Variants in CSRNP3 observed in about 807,000 individuals in gnomAD.
CSRNP3 encodes cysteine/serine-rich nuclear protein 3.
Under a neutral mutation model 48.0 loss-of-function variants are expected in CSRNP3, and 12 were observed. The observed-to-expected ratio is 0.25, with a 90% CI of 0.16 to 0.41. CSRNP3 has a LOEUF of 0.41. CSRNP3 is among the 10% of genes least tolerant of loss of function. CSRNP3 has a pLI of 1.00. For missense variants in CSRNP3, 580 were observed against 724.4 expected, an observed-to-expected ratio of 0.80 and a Z score of 2.29; for synonymous variants, 263 against 269.7, an observed-to-expected ratio of 0.98 and a Z score of 0.24.
chr2:165,677,182 A>G (rs922147220), intron 6 of CSRNP3, among the ~76,000 whole-genome samples: 6 of 152,242 alleles, frequency 3.9e-5, no homozygotes, highest in African/African-American at 9.6e-5. Context: ...CTATAAGTTC[A>G]CAGGCCAAAT....
At chr2:165,670,070 T>C (rs1349957200) in intron 5 of CSRNP3, among the ~76,000 whole-genome samples, 1 of 152,236 alleles carries the variant, frequency 6.6e-6, no homozygotes, top group Admixed American at 6.5e-5. Context: ...AGTGATCCCA[T>C]GCAAGTTCAA....
At chr2:165,521,743 G>C (rs1265709363) in intron 3 of CSRNP3, among the ~76,000 whole-genome samples, 1 of 152,130 alleles carries the variant, frequency 6.6e-6, no homozygotes, top group African/African-American at 2.4e-5. Flanking sequence ...TTGGGGGAGG[G>C]GAGAGAGCTG....
In CSRNP3 at chr2:165,682,966, G is replaced by C. The variant is rs1401461251; in HGVS notation, c.*3213G>C. On this transcript the variant is annotated 3_prime_UTR_variant, in exon 7 of 7. Coordinates refer to ENST00000651982, the MANE Select transcript of CSRNP3 (RefSeq NM_001172173.2). ...ATCAATTGCAAAGCTTCATGCTCCA[G>C]CCCTGGCTATTCTAGTACCAGTCCT... The C allele has an allele frequency of 6.6e-6, 1 of 152,078 alleles. No individual in the cohort carries two copies. Among genetic ancestry groups the C allele is most frequent in the African/African-American group, 2.4e-5 (1 of 41,430 alleles). The allele number at this position is 152,078 out of a possible 1,614,324, so 9.4% of individuals were successfully genotyped here. A position where few individuals can be genotyped will look rare whatever the true frequency, so the allele number is the denominator to read the frequency against.
chr2:165,474,083 C>T (rs954386164), intron 1 of CSRNP3, among the ~76,000 whole-genome samples: 1 of 152,096 alleles, frequency 6.6e-6, no homozygotes, highest in African/African-American at 2.4e-5. Context: ...TTTTCCAATA[C>T]CACAAAGGGT....
chr2:165,561,848 G>A (rs1343310213), intron 3 of CSRNP3, among the ~76,000 whole-genome samples: 1 of 152,054 alleles, frequency 6.6e-6, no homozygotes, highest in Non-Finnish European at 1.5e-5. Flanking sequence ...GGGATGGGCA[G>A]GGGATTCTCA....
At chr2:165,520,935 C>T (rs985720487) in intron 3 of CSRNP3, among the ~76,000 whole-genome samples, 2 of 149,920 alleles carry the variant, frequency 1.3e-5, no homozygotes, top group Non-Finnish European at 3.0e-5. Flanking sequence ...TCAAGTGATT[C>T]TTCTGAGCCT....
chr2:165,681,909 A>C lies in CSRNP3; in HGVS notation c.*2156A>C, dbSNP rs1416720486. On this transcript the variant is annotated 3_prime_UTR_variant, in exon 7 of 7. Coordinates refer to ENST00000651982, the MANE Select transcript of CSRNP3 (RefSeq NM_001172173.2). Reference sequence around the variant, plus strand: ...CCAAAATTTTCCCCCTACTGATACAATCTAAAGAGCACAGGCCCAAAGAGA... The same window carrying C: ...CCAAAATTTTCCCCCTACTGATACACTCTAAAGAGCACAGGCCCAAAGAGA... The C allele has an allele frequency of 1.3e-5, 2 of 150,776 alleles. No homozygotes were observed. The highest frequency in any genetic ancestry group is 4.9e-5 in the African/African-American group (2 of 41,074). The allele number at this position is 150,776 out of a possible 1,614,324, so 9.3% of individuals were successfully genotyped here. A position where few individuals can be genotyped will look rare whatever the true frequency, so the allele number is the denominator to read the frequency against.
In CSRNP3 at chr2:165,547,416, C is replaced by CTT. The variant is rs373863417; in HGVS notation, c.-24+29456_-24+29457dup. On this transcript the variant is annotated intron_variant, in intron 3 of 6. Transcript: ENST00000651982. ...CACCAATGATGTAGACAAGAGCCTG[C>CTT]TTCCCAGTCCCTTGCCAATACTGAA... Among the ~76,000 whole-genome samples, 806 of 152,224 alleles carry CTT rather than the reference C, an allele frequency of 5.3e-3. 8 individuals are homozygous for CTT. Among genetic ancestry groups the CTT allele is most frequent in the African/African-American group, 0.018 (747 of 41,552 alleles).
chr2:165,521,306 C>T (rs1188275124), intron 3 of CSRNP3, among the ~76,000 whole-genome samples: 1 of 152,104 alleles, frequency 6.6e-6, no homozygotes, highest in Non-Finnish European at 1.5e-5. Flanking sequence ...CTTTGTTGTA[C>T]TCATCTGGAA....
intron 1 of CSRNP3, among the ~76,000 whole-genome samples, chr2:165,494,183 C>A (rs1439463112): frequency 6.6e-6 from 1 of 152,068 alleles, no homozygotes; most frequent in Non-Finnish European, 1.5e-5. Context: ...CTCAAGTATT[C>A]CCTGTAGCTC....
chr2:165,483,944 G>A (rs1422387940), intron 1 of CSRNP3, among the ~76,000 whole-genome samples: 1 of 152,104 alleles, frequency 6.6e-6, no homozygotes, highest in Non-Finnish European at 1.5e-5. Flanking sequence ...GCATTCTATT[G>A]AATAAATATT....
intron 4 of CSRNP3, among the ~76,000 whole-genome samples, chr2:165,647,387 C>A (rs921047317): frequency 2.6e-5 from 4 of 152,042 alleles, no homozygotes; most frequent in Admixed American, 6.6e-5. Flanking sequence ...ATAAAAAAAA[C>A]CAGCCTTTAA....
intron 5 of CSRNP3, among the ~76,000 whole-genome samples, chr2:165,659,331 G>A (rs1418237127): frequency 1.3e-5 from 2 of 152,154 alleles, no homozygotes; most frequent in Admixed American, 6.6e-5. Flanking sequence ...AGTGCTTAAT[G>A]ACAGGTTGGA....
chr2:165,535,433 T>A (rs1340579307), intron 3 of CSRNP3, among the ~76,000 whole-genome samples: 1 of 151,728 alleles, frequency 6.6e-6, no homozygotes, highest in African/African-American at 2.4e-5. Flanking sequence ...TCAGCCTTAA[T>A]CACAAACTAG....
chr2:165,538,313 C>T (rs1029462404), intron 3 of CSRNP3, among the ~76,000 whole-genome samples: 1 of 151,748 alleles, frequency 6.6e-6, no homozygotes, highest in African/African-American at 2.4e-5. Flanking sequence ...TGCTATTTTC[C>T]CCAAAACCAG....
chr2:165,654,721 T>C (rs550750130), intron 4 of CSRNP3, among the ~76,000 whole-genome samples: 7 of 152,244 alleles, frequency 4.6e-5, no homozygotes, highest in South Asian at 4.1e-4. Context: ...CCTCCACCTC[T>C]CAGGTTCCAG....
intron 6 of CSRNP3, among the ~76,000 whole-genome samples, chr2:165,677,542 T>C (rs909743187): frequency 3.3e-5 from 5 of 150,890 alleles, no homozygotes; most frequent in African/African-American, 1.2e-4. Flanking sequence ...GCCTATCTGC[T>C]GAACAGTTGC....
chr2:165,470,155 T>C (rs1332801148), intron 1 of CSRNP3, among the ~76,000 whole-genome samples: 2 of 152,092 alleles, frequency 1.3e-5, no homozygotes, highest in Non-Finnish European at 2.9e-5. Context: ...GAATATACAA[T>C]ATAAAATTTC....
At chr2:165,547,760 A>G (rs1046844034) in intron 3 of CSRNP3, among the ~76,000 whole-genome samples, 1 of 152,048 alleles carries the variant, frequency 6.6e-6, no homozygotes, top group Admixed American at 6.6e-5. Flanking sequence ...CTTGACTACA[A>G]AATTAACCAT....
Sources: gnomAD v4.1 joint callset for allele counts (sites outside exome capture counted in the v4.1 genomes callset) on GRCh38, gnomAD v4.1.1 for gene constraint, MANE v1.5 for transcripts, NCBI Gene and HGNC (gene_info 2026-07-23, HGNC 2026-07-21) for gene names.